AGBL4: variants seen among roughly 807,000 people sequenced by gnomAD.
AGBL4 encodes the protein cytosolic carboxypeptidase 6.
AGBL4 carries 58 observed loss-of-function variants against 66.4 expected under a neutral mutation model. That is an observed-to-expected ratio of 0.87 (90% CI 0.71 to 1.09). The LOEUF is 1.09. Ranked by LOEUF, AGBL4 falls within the 50% of genes least tolerant of loss-of-function variation. AGBL4 has a pLI of 0.00. For synonymous variants in AGBL4, 234 were observed against 222.9 expected, an observed-to-expected ratio of 1.05 and a Z score of -0.44; for missense variants, 579 against 631.0, an observed-to-expected ratio of 0.92 and a Z score of 0.88.
chr1:49,207,541 C>T (rs368500735), intron 4 of AGBL4, among the ~76,000 whole-genome samples: 24 of 50,418 alleles, frequency 4.8e-4, no homozygotes, highest in Admixed American at 2.5e-3. Flanking sequence ...CTTTTTCTTT[C>T]TTTTCTTTCT....
intron 3 of AGBL4, among the ~76,000 whole-genome samples, chr1:49,681,107 GC>G (rs1646684632): frequency 6.6e-6 from 1 of 151,794 alleles, no homozygotes; most frequent in African/African-American, 2.4e-5. Context: ...ACTGTGTTTT[GC>G]ATTTGTTTTA....
At position 49,881,083 on chromosome 1, in the gene AGBL4, T is replaced by C. The variant is rs543387445; in HGVS notation, c.35-29565A>G. ...CTGGCACTCCCTAGTGAGATGAACC[T>C]GGTACCTCAGATGGAAATGCAGAAA... On this transcript the variant is annotated intron_variant, in intron 1 of 13. Transcript: ENST00000371839. Among the ~76,000 whole-genome samples the C allele has an allele frequency of 2.6e-5, 4 of 152,206 alleles. No individual in the cohort carries two copies. The South Asian group carries it at 8.3e-4, about 32-fold the overall frequency.
intron 1 of AGBL4, among the ~76,000 whole-genome samples, chr1:49,893,522 G>A (rs564382825): frequency 3.0e-4 from 46 of 152,238 alleles, no homozygotes; most frequent in Middle Eastern, 6.8e-3. Flanking sequence ...AGGCCTGGCC[G>A]CATTCACCAT....
chr1:48,673,452 T>C (rs1213795940), intron 6 of AGBL4, among the ~76,000 whole-genome samples: 5 of 152,224 alleles, frequency 3.3e-5, no homozygotes, highest in African/African-American at 1.2e-4. Flanking sequence ...ATTGAGATCT[T>C]CATTGAGTTG....
chr1:49,681,383 AC>A (rs1646690615), intron 3 of AGBL4, among the ~76,000 whole-genome samples: 1 of 152,136 alleles, frequency 6.6e-6, no homozygotes, highest in Non-Finnish European at 1.5e-5. Flanking sequence ...AGGGGAGGTT[AC>A]CTCATTACTT....
intron 2 of AGBL4, among the ~76,000 whole-genome samples, chr1:49,706,936 C>T (rs907459220): frequency 4.2e-4 from 64 of 152,118 alleles, no homozygotes; most frequent in African/African-American, 1.5e-3. Flanking sequence ...TGTTCTTTTG[C>T]ATTTGCTGAG....
intron 4 of AGBL4, among the ~76,000 whole-genome samples, chr1:49,116,577 T>A (rs115497542): frequency 0.012 from 1,825 of 152,328 alleles, 31 homozygotes; most frequent in African/African-American, 0.042. Flanking sequence ...TGCATAGTAT[T>A]GCATGGTGTG....
intron 3 of AGBL4, among the ~76,000 whole-genome samples, chr1:49,567,564 T>G (rs890996523): frequency 6.6e-6 from 1 of 152,220 alleles, no homozygotes; most frequent in Non-Finnish European, 1.5e-5. Context: ...ATTTTAAAAT[T>G]AAAAGTTATT....
At chr1:48,580,783 C>A (rs1569870483) in intron 11 of AGBL4, among the ~76,000 whole-genome samples, 2 of 151,968 alleles carry the variant, frequency 1.3e-5, no homozygotes, top group Admixed American at 1.3e-4. Flanking sequence ...TTTCACAAAT[C>A]TTTCTCTTTC....
intron 4 of AGBL4, among the ~76,000 whole-genome samples, chr1:49,086,364 C>T (rs6588238): frequency 0.96 from 145,244 of 152,040 alleles, 69,751 homozygotes; most frequent in East Asian, 1. Flanking sequence ...GCAGCCTCCT[C>T]TTTTCCCAGG....
intron 3 of AGBL4, among the ~76,000 whole-genome samples, chr1:49,466,217 T>A (rs1646627402): frequency 6.6e-6 from 1 of 151,934 alleles, no homozygotes; most frequent in African/African-American, 2.4e-5. Context: ...TCCTTTCCAA[T>A]CTATGTTCTT....
intron 3 of AGBL4, among the ~76,000 whole-genome samples, chr1:49,341,061 A>G (rs1267537243): frequency 6.6e-6 from 1 of 152,180 alleles, no homozygotes; most frequent in East Asian, 1.9e-4. Flanking sequence ...GCTTAGGTGG[A>G]CACATTCCTC....
At position 48,988,808 on chromosome 1, in the gene AGBL4, C is replaced by G. The variant is rs754886385; in HGVS notation, c.594+56776G>C. Among the ~76,000 whole-genome samples the G allele has an allele frequency of 4.6e-5, 7 of 152,220 alleles. No individual in the cohort carries two copies. The Middle Eastern group carries it at 0.01, about 222-fold the overall frequency. ...GGCAGGTGGAGGGGAGGAGGCCTGCCAGCATCGATATCTCATTACTGCTAG... is the reference window on the plus strand; with the variant it reads ...GGCAGGTGGAGGGGAGGAGGCCTGCGAGCATCGATATCTCATTACTGCTAG... On this transcript the variant is annotated intron_variant, in intron 5 of 13. Transcript: ENST00000371839.
intron 5 of AGBL4, among the ~76,000 whole-genome samples, chr1:48,990,562 T>G (rs1369843849): frequency 2.0e-5 from 3 of 152,156 alleles, no homozygotes; most frequent in African/African-American, 7.2e-5. Flanking sequence ...TTGATTTTTT[T>G]GTATATGGTG....
chr1:49,105,865 C>A (rs1287115936), intron 4 of AGBL4, among the ~76,000 whole-genome samples: 1 of 152,088 alleles, frequency 6.6e-6, no homozygotes, highest in Non-Finnish European at 1.5e-5. Context: ...TGATGATAAT[C>A]CAATTGCTAC....
chr1:49,223,101 T>A (rs187405972), intron 4 of AGBL4, among the ~76,000 whole-genome samples: 2 of 152,284 alleles, frequency 1.3e-5, no homozygotes, highest in African/African-American at 4.8e-5. Context: ...TTGTGCTTTA[T>A]CAGTTAAGAC....
At chr1:49,238,125 T>C (rs893812076) in intron 4 of AGBL4, among the ~76,000 whole-genome samples, 1 of 152,206 alleles carries the variant, frequency 6.6e-6, no homozygotes, top group African/African-American at 2.4e-5. Context: ...GATTCTTTCT[T>C]TGTCTTTAAT....
intron 4 of AGBL4, among the ~76,000 whole-genome samples, chr1:49,201,951 C>A (rs926223827): frequency 1.3e-5 from 2 of 151,864 alleles, no homozygotes; most frequent in Non-Finnish European, 2.9e-5. Context: ...TCATTAGCAA[C>A]CAATGAGTAC....
intron 3 of AGBL4, among the ~76,000 whole-genome samples, chr1:49,284,835 T>C (rs929518845): frequency 6.6e-6 from 1 of 150,746 alleles, no homozygotes; most frequent in Non-Finnish European, 1.5e-5. Context: ...ATCCTAAATA[T>C]ATATGCACCC....
Sources: allele counts gnomAD v4.1 joint callset (sites outside exome capture counted in the v4.1 genomes callset), GRCh38; gene constraint gnomAD v4.1.1; transcripts MANE v1.5; gene names NCBI Gene and HGNC (gene_info 2026-07-23, HGNC 2026-07-21).